The following NAV2 variants were observed in gnomAD, a reference collection of about 807,000 sequenced individuals.
NAV2 encodes the protein neuron navigator 2.
Under a neutral mutation model 223.2 loss-of-function variants are expected in NAV2, and 54 were observed. The observed-to-expected ratio is 0.24, with a 90% confidence interval of 0.19 to 0.30. NAV2 has a LOEUF of 0.30. Among genes scored for constraint, NAV2 ranks in the 10% least tolerant of loss-of-function variants. The probability of loss-of-function intolerance (pLI) is 1.00; values close to 1 mark genes in which losing one functional copy is unlikely to be tolerated. For missense variants in NAV2, 2,806 were observed against 3,147.5 expected, an observed-to-expected ratio of 0.89 and a Z score of 2.60; for synonymous variants, 1,279 against 1,239.3, an observed-to-expected ratio of 1.03 and a Z score of -0.67.
chr11:20,005,589 G>A (rs1334652602), intron 11 of NAV2, among the ~76,000 whole-genome samples: 1 of 149,678 alleles, frequency 6.7e-6, no homozygotes, highest in Non-Finnish European at 1.5e-5. Context: ...AACGAGAAAT[G>A]AGTCCTATCT....
chr11:19,498,082 A>T lies in NAV2; in HGVS notation c.75+147055A>T, dbSNP rs1462525221. Among the ~76,000 whole-genome samples the T allele has an allele frequency of 2.0e-5, 3 of 152,206 alleles. No individual in the cohort carries two copies. The East Asian group carries it at 5.8e-4, about 29-fold the overall frequency. ...GCACTTAGGAAGTGATAGAGTCAGG[A>T]TTCAGACACAGCAGCCTGGCTCCAG... On this transcript the variant is annotated intron_variant, in intron 1 of 37. Coordinates refer to the NAV2 transcript ENST00000360655.
At chr11:19,893,972 T>C (rs564690152) in intron 6 of NAV2, among the ~76,000 whole-genome samples, 80 of 152,322 alleles carry the variant, frequency 5.3e-4, no homozygotes, top group African/African-American at 1.9e-3. Flanking sequence ...AGAGTACAAA[T>C]ATACACCATT....
chr11:19,806,165 C>G (rs2152793997), intron 1 of NAV2, among the ~76,000 whole-genome samples: 1 of 152,330 alleles, frequency 6.6e-6, no homozygotes, highest in African/African-American at 2.4e-5. Context: ...TGAAAATAAA[C>G]AAGGCCCTAA....
chr11:19,715,716 C>T (rs2050250751), intron 1 of NAV2, among the ~76,000 whole-genome samples: 1 of 152,222 alleles, frequency 6.6e-6, no homozygotes. Context: ...TCTTCAGCTT[C>T]TCTCTGAGGG....
chr11:19,632,384 G>T (rs2047371308), intron 1 of NAV2, among the ~76,000 whole-genome samples: 1 of 152,060 alleles, frequency 6.6e-6, no homozygotes, highest in Non-Finnish European at 1.5e-5. Flanking sequence ...TATTTATTGG[G>T]TTTGTCCAAA....
At chr11:19,641,963 C>T (rs1208975245) in intron 1 of NAV2, among the ~76,000 whole-genome samples, 1 of 152,168 alleles carries the variant, frequency 6.6e-6, no homozygotes, top group Non-Finnish European at 1.5e-5. Flanking sequence ...AGGGCAGAGA[C>T]TTTATTTTGT....
intron 10 of NAV2, among the ~76,000 whole-genome samples, chr11:19,976,722 C>T (rs1291933209): frequency 2.6e-5 from 4 of 152,194 alleles, no homozygotes; most frequent in African/African-American, 7.2e-5. Flanking sequence ...TCTGGGTTTT[C>T]CTGGTTATCT....
intron 1 of NAV2, among the ~76,000 whole-genome samples, chr11:19,389,253 A>C (rs1159427806): frequency 6.6e-6 from 1 of 152,246 alleles, no homozygotes; most frequent in East Asian, 1.9e-4. Context: ...CATTGGATAA[A>C]TAGCTACTAT....
upstream of NAV2, among the ~76,000 whole-genome samples, chr11:19,348,187 C>T (rs1417539356): frequency 6.6e-6 from 1 of 152,168 alleles, no homozygotes; most frequent in African/African-American, 2.4e-5. Flanking sequence ...CAGGGTCTCA[C>T]CCGGGAGGGA....
At chr11:19,518,024 A>G (rs1013071515) in intron 1 of NAV2, among the ~76,000 whole-genome samples, 1 of 152,248 alleles carries the variant, frequency 6.6e-6, no homozygotes, top group African/African-American at 2.4e-5. Flanking sequence ...ATTCCTCTCA[A>G]ACAGCAGCAC....
At chr11:19,877,821 C>A (rs981729647) in intron 4 of NAV2, among the ~76,000 whole-genome samples, 1 of 152,106 alleles carries the variant, frequency 6.6e-6, no homozygotes, top group African/African-American at 2.4e-5. Flanking sequence ...AGTTGGGTGA[C>A]TATAGATATG....
chr11:20,037,290 CA>C (rs1385502544), intron 12 of NAV2, among the ~76,000 whole-genome samples: 2 of 151,558 alleles, frequency 1.3e-5, no homozygotes, highest in Non-Finnish European at 1.5e-5. Flanking sequence ...CCTTTCTCAG[CA>C]GTGCTTTACT....
chr11:19,622,024 G>A (rs376020947), intron 1 of NAV2, among the ~76,000 whole-genome samples: 5 of 152,112 alleles, frequency 3.3e-5, no homozygotes, highest in African/African-American at 9.7e-5. Context: ...CCCAGTAGTC[G>A]TTCAGGAGCA....
chr11:19,566,530 G>T (rs1048220052), intron 1 of NAV2, among the ~76,000 whole-genome samples: 3 of 152,178 alleles, frequency 2.0e-5, no homozygotes, highest in Admixed American at 2.0e-4. Flanking sequence ...ACGCCATTTG[G>T]CTCAGTTACT....
intron 6 of NAV2, among the ~76,000 whole-genome samples, chr11:19,914,487 G>T (rs1170968002): frequency 6.6e-6 from 1 of 152,086 alleles, no homozygotes; most frequent in East Asian, 1.9e-4. Flanking sequence ...GCCTTGGAGG[G>T]GTTATACGAT....
chr11:19,625,505 A>G (rs754743374), intron 1 of NAV2, among the ~76,000 whole-genome samples: 14 of 152,218 alleles, frequency 9.2e-5, no homozygotes, highest in Non-Finnish European at 1.3e-4. Context: ...ACTGTGCTGC[A>G]ATAAACATGG....
intron 1 of NAV2, among the ~76,000 whole-genome samples, chr11:19,804,869 C>T (rs964757421): frequency 1.6e-4 from 25 of 152,124 alleles, no homozygotes; most frequent in African/African-American, 5.6e-4. Flanking sequence ...TTGAGAAACC[C>T]GTAGGATCCC....
chr11:19,509,021 A>C (rs559488482), intron 1 of NAV2, among the ~76,000 whole-genome samples: 1 of 152,364 alleles, frequency 6.6e-6, no homozygotes, highest in Admixed American at 6.5e-5. Context: ...CATCTACTAC[A>C]TTTCAGGGCT....
chr11:19,890,687 G>T (rs550575750), intron 5 of NAV2, among the ~76,000 whole-genome samples: 1 of 152,324 alleles, frequency 6.6e-6, no homozygotes, highest in East Asian at 1.9e-4. Flanking sequence ...CATTGGATGT[G>T]AGTAATCAGA....
Sources: allele counts gnomAD v4.1 joint callset (sites outside exome capture counted in the v4.1 genomes callset), GRCh38; gene constraint gnomAD v4.1.1; transcripts MANE v1.5; gene names NCBI Gene and HGNC (gene_info 2026-07-23, HGNC 2026-07-21).